Variants in RAD51B observed in about 807,000 individuals in gnomAD.
The protein encoded by RAD51B is DNA repair protein RAD51 homolog 2.
In RAD51B, 38 loss-of-function variants were observed where a neutral mutation model predicts 42.2. The ratio of observed to expected loss-of-function variants is 0.90; its 90% CI spans 0.70 to 1.18. The LOEUF is 1.18. Among genes scored for constraint, RAD51B ranks in the 50% most tolerant of loss-of-function variants. The probability of loss-of-function intolerance (pLI) is 0.00; values close to 1 mark genes in which losing one functional copy is unlikely to be tolerated. For missense variants in RAD51B, 373 were observed against 400.7 expected, an observed-to-expected ratio of 0.93 and a Z score of 0.59; for synonymous variants, 154 against 145.2, an observed-to-expected ratio of 1.06 and a Z score of -0.43.
chr14:68,472,699 A>G (rs555285265), intron 10 of RAD51B, among the ~76,000 whole-genome samples: 1 of 152,190 alleles, frequency 6.6e-6, no homozygotes, highest in Non-Finnish European at 1.5e-5. Context: ...CTATTAGTGT[A>G]GGTTTGAATG....
At chr14:68,291,291 C>T (rs71423305) in intron 7 of RAD51B, among the ~76,000 whole-genome samples, 6,553 of 152,148 alleles carry the variant, frequency 0.043, 452 homozygotes, top group African/African-American at 0.15. Flanking sequence ...CTCCGCCTCT[C>T]GGATTCAAGC....
chr14:68,188,819 C>G (rs1287157078), intron 7 of RAD51B, among the ~76,000 whole-genome samples: 1 of 152,110 alleles, frequency 6.6e-6, no homozygotes, highest in Non-Finnish European at 1.5e-5. Flanking sequence ...TTTCTTGGGT[C>G]ACCTCTCTAG....
intron 8 of RAD51B, among the ~76,000 whole-genome samples, chr14:68,305,471 C>T (rs1238085600): frequency 6.6e-6 from 1 of 152,168 alleles, no homozygotes; most frequent in Non-Finnish European, 1.5e-5. Context: ...ATGTATTGCA[C>T]TACAGTGCAT....
chr14:68,678,273 T>A (rs56144448), intron 11 of RAD51B, among the ~76,000 whole-genome samples: 64,237 of 151,978 alleles, frequency 0.42, 14,197 homozygotes, highest in African/African-American at 0.54. Flanking sequence ...CCTCAAGTCT[T>A]TGACAACACC....
chr14:68,375,642 T>C (rs1365225874), intron 8 of RAD51B, among the ~76,000 whole-genome samples: 1 of 152,122 alleles, frequency 6.6e-6, no homozygotes, highest in Non-Finnish European at 1.5e-5. Flanking sequence ...ATGCAGACCA[T>C]GTCTGTCTTG....
intron 2 of RAD51B, 94 bp from the exon 3 acceptor site, chr14:67,825,370 G>T: frequency 1.4e-6 from 1 of 732,978 alleles, no homozygotes; most frequent in South Asian, 2.1e-5. Flanking sequence ...TTATACTTTT[G>T]TCTACATAAG....
At chr14:68,189,969 C>T (rs1457292731) in intron 7 of RAD51B, among the ~76,000 whole-genome samples, 1 of 152,080 alleles carries the variant, frequency 6.6e-6, no homozygotes, top group Non-Finnish European at 1.5e-5. Context: ...CCTGGCCTCC[C>T]TTAAATTTAA....
intron 7 of RAD51B, among the ~76,000 whole-genome samples, chr14:68,200,230 C>T (rs1471856568): frequency 1.6e-4 from 24 of 152,078 alleles, no homozygotes; most frequent in Non-Finnish European, 2.9e-5. Flanking sequence ...TCCATGAAGG[C>T]AATCTCAGCG....
Position 68,017,499 on chromosome 14 carries a change from C to CT in RAD51B, c.756+130301dup, listed in dbSNP as rs1162410469. ...GCGTGAGCCACCACACCCAGCCTAT[C>CT]TTTTTTATCTTAGAAATTTAATATT... On this transcript the variant is annotated intron_variant, in intron 7 of 10. Coordinates refer to ENST00000471583, the MANE Select transcript of RAD51B (RefSeq NM_133510.4). Among the ~76,000 whole-genome samples the CT allele has an allele frequency of 2.0e-5, 3 of 151,986 alleles. No homozygotes were observed. In the East Asian group the frequency reaches 5.8e-4, roughly 29 times the overall value.
At chr14:68,670,743 TAA>T (rs1595056504) in intron 11 of RAD51B, among the ~76,000 whole-genome samples, 2 of 152,226 alleles carry the variant, frequency 1.3e-5, no homozygotes, top group East Asian at 3.9e-4. Flanking sequence ...TGGAAAAACT[TAA>T]GTTTGCCAGC....
At chr14:67,967,249 T>G (rs1373664661) in intron 7 of RAD51B, among the ~76,000 whole-genome samples, 1 of 152,198 alleles carries the variant, frequency 6.6e-6, no homozygotes, top group African/African-American at 2.4e-5. Flanking sequence ...AGGGGAATTA[T>G]GGGAGTACAG....
chr14:68,159,857 A>C (rs760726762), intron 7 of RAD51B, among the ~76,000 whole-genome samples: 3 of 152,098 alleles, frequency 2.0e-5, no homozygotes, highest in Non-Finnish European at 4.4e-5. Flanking sequence ...TGGGAATTAT[A>C]AGCAGTCACT....
At chr14:68,312,754 T>C (rs1433880833) in intron 8 of RAD51B, among the ~76,000 whole-genome samples, 2 of 152,234 alleles carry the variant, frequency 1.3e-5, no homozygotes, top group African/African-American at 2.4e-5. Context: ...GCCTTTCTAT[T>C]TGAGGAATTA....
intron 10 of RAD51B, among the ~76,000 whole-genome samples, chr14:68,572,214 A>G (rs1330849265): frequency 6.6e-6 from 1 of 152,192 alleles, no homozygotes; most frequent in East Asian, 1.9e-4. Flanking sequence ...CAGATATACT[A>G]GTGGGTTCCG....
At chr14:68,435,492 GTTTTT>G (rs35536205) in intron 9 of RAD51B, among the ~76,000 whole-genome samples, 1 of 128,150 alleles carries the variant, frequency 7.8e-6, no homozygotes. Context: ...GTGGTTTTTG[GTTTTT>G]TTTTTTTTTT....
At chr14:68,229,998 T>A (rs2080115526) in intron 7 of RAD51B, among the ~76,000 whole-genome samples, 1 of 152,210 alleles carries the variant, frequency 6.6e-6, no homozygotes, top group South Asian at 2.1e-4. Context: ...AAGCAACTCA[T>A]ATCATTTCTA....
intron 3 of RAD51B, among the ~76,000 whole-genome samples, chr14:67,833,472 C>A (rs964909725): frequency 4.6e-5 from 7 of 152,142 alleles, no homozygotes; most frequent in African/African-American, 1.7e-4. Flanking sequence ...TGTTTCAAGA[C>A]CCTCAGTGGA....
At chr14:68,574,005 T>TGC (rs781586536) in intron 10 of RAD51B, among the ~76,000 whole-genome samples, 5 of 144,350 alleles carry the variant, frequency 3.5e-5, no homozygotes, top group African/African-American at 5.1e-5. Context: ...TGTGTGTGTG[T>TGC]GCTCACTCAC....
At chr14:68,405,162 G>A (rs1158222574) in intron 8 of RAD51B, among the ~76,000 whole-genome samples, 1 of 152,232 alleles carries the variant, frequency 6.6e-6, no homozygotes, top group Non-Finnish European at 1.5e-5. Flanking sequence ...GATCAAAAGA[G>A]ATGTAGCTAA....
Sources: gnomAD v4.1 joint callset for allele counts (sites outside exome capture counted in the v4.1 genomes callset) on GRCh38, gnomAD v4.1.1 for gene constraint, MANE v1.5 for transcripts, NCBI Gene and HGNC (gene_info 2026-07-23, HGNC 2026-07-21) for gene names.